Variants in ATRX observed in about 807,000 individuals in gnomAD.
The protein encoded by ATRX is chromatin remodeler ATRX.
Under a neutral mutation model 172.6 loss-of-function variants are expected in ATRX, and 12 were observed. That is an observed-to-expected ratio of 0.07 (90% CI 0.04 to 0.11). ATRX has a LOEUF of 0.11. Among genes scored for constraint, ATRX ranks in the 10% least tolerant of loss-of-function variants. The probability of loss-of-function intolerance (pLI) is 1.00; values close to 1 mark genes in which losing one functional copy is unlikely to be tolerated. For missense variants in ATRX, 1,368 were observed against 1,767.4 expected, an observed-to-expected ratio of 0.77 and a Z score of 4.05; for synonymous variants, 674 against 594.7, an observed-to-expected ratio of 1.13 and a Z score of -1.94.
At position 77,662,089 on chromosome X, in the gene ATRX, G is replaced by T. The variant is rs1307868558; in HGVS notation, c.4120+1293C>A. Among the ~76,000 whole-genome samples the T allele has an allele frequency of 2.7e-5, 3 of 111,280 alleles. No homozygotes were observed. In the East Asian group the frequency reaches 8.4e-4, roughly 31 times the overall value. The stretch of plus-strand genomic sequence containing the variant: ...CCTTCTTTGTGAAGCCTTCTCTGGG[G>T]TAACTCCTACCCCTCAAGAAGCTAA... On this transcript the variant is annotated intron_variant, in intron 12 of 34. Coordinates refer to ENST00000373344, the MANE Select transcript of ATRX (RefSeq NM_000489.6).
intron 1 of ATRX, among the ~76,000 whole-genome samples, chrX:77,759,140 C>G (rs782489361): frequency 1.8e-5 from 2 of 111,788 alleles, no homozygotes; most frequent in African/African-American, 6.5e-5. Flanking sequence ...TAAATAATTA[C>G]CAATGCTTCC....
chrX:77,677,863 G>T (rs2070975320), intron 9 of ATRX, among the ~76,000 whole-genome samples: 1 of 111,019 alleles, frequency 9.0e-6, no homozygotes, highest in African/African-American at 3.3e-5. Flanking sequence ...AAGGGAAATG[G>T]AGGAAAAAAT....
At chrX:77,646,727 C>A (rs1276182427) in intron 15 of ATRX, among the ~76,000 whole-genome samples, 2 of 110,142 alleles carry the variant, frequency 1.8e-5, no homozygotes, top group African/African-American at 6.6e-5. Context: ...TGGAGACCAA[C>A]CTGGGCAACA....
intron 30 of ATRX, among the ~76,000 whole-genome samples, chrX:77,529,869 C>A (rs2063512135): frequency 9.0e-6 from 1 of 111,440 alleles, no homozygotes; most frequent in African/African-American, 3.3e-5. Flanking sequence ...GAGTTTAACA[C>A]CCCTCTGACA....
intron 13 of ATRX, among the ~76,000 whole-genome samples, chrX:77,654,967 A>G (rs1240292922): frequency 9.0e-6 from 1 of 111,629 alleles, no homozygotes; most frequent in East Asian, 2.8e-4. Flanking sequence ...TAAAAGGAAG[A>G]AAATTCTGAA....
intron 1 of ATRX, among the ~76,000 whole-genome samples, chrX:77,743,189 G>A (rs1004308625): frequency 9.0e-6 from 1 of 111,038 alleles, no homozygotes; most frequent in Admixed American, 9.6e-5. Context: ...GATGATTTAG[G>A]GACTAGGCAA....
At chrX:77,526,724 T>C (rs1557043891) in intron 30 of ATRX, among the ~76,000 whole-genome samples, 1 of 112,777 alleles carries the variant, frequency 8.9e-6, no homozygotes, top group African/African-American at 3.2e-5. Context: ...AGGCTTATAC[T>C]ATGCCTGAAA....
intron 19 of ATRX, among the ~76,000 whole-genome samples, chrX:77,626,028 CATATATATATATATATATATATAT>C (rs782747198): frequency 0.14 from 5,096 of 36,245 alleles, 313 homozygotes; most frequent in Middle Eastern, 0.25. Context: ...GAAATTGTGG[CATATATATATATATATATATATAT>C]ATATATATAT....
chrX:77,521,013 AC>A (rs1340285831), intron 33 of ATRX, 97 bp from the exon 34 acceptor site: 2 of 913,256 alleles, frequency 2.2e-6, no homozygotes, highest in African/African-American at 2.0e-5. Flanking sequence ...AAGGTTTCAA[AC>A]CCCCCTTTTC....
At chrX:77,744,786 G>A (rs1277396709) in intron 1 of ATRX, among the ~76,000 whole-genome samples, 1 of 110,637 alleles carries the variant, frequency 9.0e-6, no homozygotes, top group Admixed American at 9.7e-5. Context: ...CGAGGAGTTC[G>A]AGACCAGTCT....
chrX:77,533,686 T>A (rs1424978967), intron 30 of ATRX, among the ~76,000 whole-genome samples: 1 of 111,222 alleles, frequency 9.0e-6, no homozygotes, highest in African/African-American at 3.3e-5. Flanking sequence ...CTGAGCTTAA[T>A]ACCTGGGTGA....
At chrX:77,731,099 GA>G (rs1174909363) in intron 1 of ATRX, among the ~76,000 whole-genome samples, 6 of 89,221 alleles carry the variant, frequency 6.7e-5, no homozygotes, top group South Asian at 4.8e-4. Context: ...AAAAAAAAAA[GA>G]AAAAAAAAAG....
rs781845031 is a variant in ATRX at position 77,682,595 on chromosome X, A to G, written c.2661T>C (p.Thr887=). The part of the protein sequence containing the change: ...DDAERKQERE[T]FSSAEGTVDK... ...CAACTGTGCCTTCTGCTGAAGAGAA[A>G]GTCTCTCTCTCTTGTTTTCTTTCAG... The change falls in exon 9 of 35, where the codon ACT becomes ACC. Residue 887 remains threonine (T), a synonymous_variant. Transcript: ENST00000373344. The G allele has an allele frequency of 3.3e-6, 4 of 1,208,644 alleles. No individual in the cohort carries two copies. The highest frequency in any genetic ancestry group is 3.5e-5 in the African/African-American group (2 of 57,119).
intron 22 of ATRX, among the ~76,000 whole-genome samples, chrX:77,609,305 A>G (rs1400665762): frequency 1.8e-5 from 2 of 111,953 alleles, no homozygotes; most frequent in African/African-American, 3.3e-5. Flanking sequence ...AGCACTGTTT[A>G]TAACAGCCAA....
At chrX:77,776,103 T>C (rs1417308207) in intron 1 of ATRX, among the ~76,000 whole-genome samples, 1 of 112,369 alleles carries the variant, frequency 8.9e-6, no homozygotes, top group Admixed American at 9.5e-5. Flanking sequence ...TTAAGTGAAA[T>C]GTCTTTGACT....
Position 77,633,586 on chromosome X carries a change from T to C in ATRX, c.4936A>G (p.Lys1646Glu), listed in dbSNP as rs2148341373. 4 of 1,209,400 alleles carry C rather than the reference T, an allele frequency of 3.3e-6. No homozygotes were observed. The highest frequency in any genetic ancestry group is 4.5e-6 in the Non-Finnish European group (4 of 894,102). The stretch of plus-strand genomic sequence containing the variant: ...GTTACCTCAAGCTTCTCATCATCTT[T>C]TAATCCCTCTTGCCACTTCTCAAAT... ...NEFEKWQEGL[K>E]DDEKLEVSEL... Residue 1646 changes from lysine to glutamate, a missense_variant, in exon 18 of 35, where the codon AAA becomes GAA. By Grantham distance (56) the Lys-to-Glu change is moderately conservative (BLOSUM62 1). Around this residue, in one of 17 missense-constraint regions of ATRX, gnomAD observed 17 missense variants for 22.8 expected, o/e 0.75. Coordinates refer to ENST00000373344, the MANE Select transcript of ATRX (RefSeq NM_000489.6).
intron 15 of ATRX, among the ~76,000 whole-genome samples, chrX:77,642,977 A>G (rs2068728110): frequency 9.0e-6 from 1 of 111,470 alleles, no homozygotes; most frequent in Admixed American, 9.5e-5. Flanking sequence ...ATAACGAAAA[A>G]GAAAAAAAGT....
At chrX:77,777,191 TAAA>T (rs782165810) in intron 1 of ATRX, among the ~76,000 whole-genome samples, 26 of 21,022 alleles carry the variant, frequency 1.2e-3, no homozygotes, top group Non-Finnish European at 1.9e-3. Flanking sequence ...CTGTCTCTAC[TAAA>T]AAAAAAAAAA....
chrX:77,672,348 G>A (rs782768164), intron 10 of ATRX, among the ~76,000 whole-genome samples: 2 of 111,005 alleles, frequency 1.8e-5, no homozygotes, highest in South Asian at 3.7e-4. Context: ...AACATCAAAC[G>A]ATTAAGGGAC....
Sources: gnomAD v4.1 joint callset for allele counts (sites outside exome capture counted in the v4.1 genomes callset) on GRCh38, gnomAD v4.1.1 for gene constraint, gnomAD v4.1.1 regional missense constraint, MANE v1.5 for transcripts, NCBI Gene and HGNC (gene_info 2026-07-23, HGNC 2026-07-21) for gene names.